The following MAP4 variants were observed in gnomAD, a reference collection of about 807,000 sequenced individuals.
The protein encoded by MAP4 is microtubule associated protein 4.
A neutral mutation model predicts 170.2 loss-of-function variants in MAP4; 76 were observed. The observed-to-expected ratio is 0.45, with a 90% CI of 0.37 to 0.54. MAP4 has a LOEUF of 0.54. MAP4 is among the 20% of genes least tolerant of loss of function. The pLI, the probability that MAP4 is intolerant of heterozygous loss-of-function variation, is 0.00. For synonymous variants in MAP4, 909 were observed against 994.5 expected, an observed-to-expected ratio of 0.91 and a Z score of 1.62; for missense variants, 2,506 against 2,748.0, an observed-to-expected ratio of 0.91 and a Z score of 1.97.
At chr3:48,020,575 G>T (rs2100110048), upstream of MAP4, among the ~76,000 whole-genome samples, 1 of 152,074 alleles carries the variant, frequency 6.6e-6, no homozygotes, top group African/African-American at 2.4e-5. Flanking sequence ...TCTTACAGAT[G>T]CTTTCAAAAA....
Position 47,921,880 on chromosome 3 carries a change from T to G in MAP4, c.416-2A>C. On this transcript the variant is annotated splice_acceptor_variant, in intron 4 of 20. Transcript: ENST00000683076. LOFTEE classifies it high-confidence loss of function. ...CATCATGGTACATCTTAAAGGGATC[T>G]GGAATATAGAAGAAATCCAAAACTC... is the stretch of plus-strand genomic sequence containing the variant. 10 of 1,353,812 alleles carry G rather than the reference T, an allele frequency of 7.4e-6. No homozygotes were observed. Among genetic ancestry groups the G allele is most frequent in the East Asian group, 2.3e-5 (1 of 43,778 alleles). The allele number at this position is 1,353,812 out of a possible 1,614,324, so 83.9% of individuals were successfully genotyped here.
chr3:47,991,902 C>G (rs1342162763), intron 2 of MAP4, among the ~76,000 whole-genome samples: 1 of 151,766 alleles, frequency 6.6e-6, no homozygotes, highest in Non-Finnish European at 1.5e-5. Flanking sequence ...AACTCCTGAC[C>G]TCAGGTGATC....
chr3:47,916,654 A>G lies in MAP4; in HGVS notation c.1173T>C (p.Ala391=), dbSNP rs749582121. The G allele has an allele frequency of 3.1e-6, 5 of 1,613,786 alleles. No individual in the cohort carries two copies. Among genetic ancestry groups the G allele is most frequent in the Non-Finnish European group, 4.2e-6 (5 of 1,179,926 alleles). ...ERASPIKMDL[A]PSKDMGPPKE... ...TGGGTGGTCCCATGTCCTTGGAAGG[A>G]GCCAAGTCCATTTTTATAGGAGATG... The change falls in exon 7 of 21, where the codon GCT becomes GCC. Residue 391 remains alanine, a synonymous_variant. Transcript: ENST00000683076.
chr3:47,939,792 T>C (rs1319235541), intron 3 of MAP4, among the ~76,000 whole-genome samples: 1 of 151,536 alleles, frequency 6.6e-6, no homozygotes, highest in Non-Finnish European at 1.5e-5. Context: ...TCCTCACCCC[T>C]CCTGGAGAAG....
chr3:47,903,880 A>G (rs537228398), intron 9 of MAP4, among the ~76,000 whole-genome samples: 3 of 152,370 alleles, frequency 2.0e-5, no homozygotes, highest in African/African-American at 4.8e-5. Flanking sequence ...CTCTCTGGAC[A>G]ATAAAATGCT....
At chr3:47,903,959 T>C (rs1378165774) in intron 9 of MAP4, among the ~76,000 whole-genome samples, 1 of 152,254 alleles carries the variant, frequency 6.6e-6, no homozygotes, top group Non-Finnish European at 1.5e-5. Flanking sequence ...ATTTTCATGA[T>C]GTATCTTTAT....
intron 1 of MAP4, among the ~76,000 whole-genome samples, chr3:48,040,836 A>C (rs878973695): frequency 6.6e-6 from 1 of 151,818 alleles, no homozygotes. Context: ...GCTGGGATTA[A>C]AGGCGTGCGT....
Position 47,851,124 on chromosome 3 carries a change from G to T in MAP4, c.*1810C>A, listed in dbSNP as rs532318362. 2.0e-4 allele frequency: 30 copies of T among 152,326 alleles called. No homozygotes were observed. Among genetic ancestry groups the T allele is most frequent in the African/African-American group, 6.7e-4 (28 of 41,544 alleles). 9.4% of individuals were successfully genotyped at this position (152,326 alleles called of 1,614,324 possible). On this transcript the variant is annotated 3_prime_UTR_variant, in exon 21 of 21. Transcript: ENST00000683076. ...TTCCTTCCCACTTTCATCCCAGCAGGCCCTTTCTTCCTGCTGACAAAACAC... is the reference window on the plus strand; with the variant it reads ...TTCCTTCCCACTTTCATCCCAGCAGTCCCTTTCTTCCTGCTGACAAAACAC...
At chr3:47,868,721 C>G (rs1242134677) in intron 16 of MAP4, among the ~76,000 whole-genome samples, 1 of 152,168 alleles carries the variant, frequency 6.6e-6, no homozygotes, top group Non-Finnish European at 1.5e-5. Context: ...TCCTAACTTT[C>G]AGTTAAGAGG....
rs2100111889 is a variant in MAP4, at chr3:48,024,104, G to T, written c.-19-25225C>A. ...AGGCAGGTGGATCATGAGGTCAAGA[G>T]ATCGAGACCATCCAGGCCAACATGG... On this transcript the variant is annotated intron_variant, in intron 1 of 18. Coordinates refer to the MAP4 transcript ENST00000360240. 3.3e-5 allele frequency among the ~76,000 whole-genome samples: 5 copies of T among 152,208 alleles called. No homozygotes were observed. In the South Asian group the frequency reaches 1.0e-3, roughly 32 times the overall value.
chr3:47,970,378 G>A (rs1371659200), intron 3 of MAP4, among the ~76,000 whole-genome samples: 3 of 152,050 alleles, frequency 2.0e-5, no homozygotes, highest in Non-Finnish European at 2.9e-5. Context: ...CCAGCTACTT[G>A]GGAGGCTGAG....
At chr3:47,915,899 CG>C in intron 7 of MAP4, 51 bp downstream of exon 7, 3 of 1,549,418 alleles carry the variant, frequency 1.9e-6, no homozygotes, top group Non-Finnish European at 1.7e-6. Flanking sequence ...TTAGTCTTCT[CG>C]AGACTACAAC....
intron 9 of MAP4, among the ~76,000 whole-genome samples, chr3:47,906,576 G>A (rs1249995348): frequency 6.6e-5 from 10 of 151,542 alleles, no homozygotes; most frequent in Non-Finnish European, 1.3e-4. Context: ...CCAGCTACTC[G>A]GGAGGCTGAG....
chr3:47,901,824 G>T (rs1261913761), intron 10 of MAP4, among the ~76,000 whole-genome samples: 1 of 152,212 alleles, frequency 6.6e-6, no homozygotes, highest in Non-Finnish European at 1.5e-5. Flanking sequence ...GAGGGTACAA[G>T]TGAAGGGTGA....
chr3:48,042,078 C>A (rs1045650919), intron 1 of MAP4, among the ~76,000 whole-genome samples: 6 of 152,128 alleles, frequency 3.9e-5, no homozygotes, highest in African/African-American at 1.4e-4. Flanking sequence ...TCGAGTTGTG[C>A]GAGCTGCTCT....
chr3:47,876,018 A>C, intron 11 of MAP4, 118 bp from the exon 12 acceptor site: 1 of 735,776 alleles, frequency 1.4e-6, no homozygotes, highest in Non-Finnish European at 2.2e-6. Context: ...TAAAATTATA[A>C]GCAATGAGGA....
intron 1 of MAP4, among the ~76,000 whole-genome samples, chr3:48,036,985 T>C (rs991230333): frequency 6.6e-6 from 1 of 152,170 alleles, no homozygotes; most frequent in Admixed American, 6.5e-5. Flanking sequence ...GATACAGAAT[T>C]TGGACCCCTA....
At chr3:47,934,662 G>A (rs1254789247) in intron 3 of MAP4, among the ~76,000 whole-genome samples, 1 of 152,082 alleles carries the variant, frequency 6.6e-6, no homozygotes, top group Non-Finnish European at 1.5e-5. Context: ...AAACGAATCA[G>A]TGACTCCTTC....
intron 11 of MAP4, among the ~76,000 whole-genome samples, chr3:47,876,142 T>C (rs2095365197): frequency 6.7e-6 from 1 of 149,174 alleles, no homozygotes; most frequent in African/African-American, 2.4e-5. Context: ...CTTTCTTTTT[T>C]TTTTTTTTTG....
Sources: gnomAD v4.1 joint callset for allele counts (sites outside exome capture counted in the v4.1 genomes callset) on GRCh38, gnomAD v4.1.1 for gene constraint, MANE v1.5 for transcripts, NCBI Gene and HGNC (gene_info 2026-07-23, HGNC 2026-07-21) for gene names.